DHX15: variants seen among roughly 807,000 people sequenced by gnomAD.
The protein encoded by DHX15 is DEAH-box helicase 15, also known as ATP-dependent RNA helicase DHX15.
Under a neutral mutation model 94.4 loss-of-function variants are expected in DHX15, and 11 were observed. That is an observed-to-expected ratio of 0.12 (90% CI 0.07 to 0.19). DHX15 has a LOEUF of 0.19. Among genes scored for constraint, DHX15 ranks in the 10% least tolerant of loss-of-function variants. The pLI is 1.00. For missense variants in DHX15, 304 were observed against 988.5 expected, an observed-to-expected ratio of 0.31 and a Z score of 9.29; for synonymous variants, 338 against 329.9, an observed-to-expected ratio of 1.02 and a Z score of -0.27.
chr4:24,570,689 T>C lies in DHX15; in HGVS notation c.666A>G (p.Arg222=). The C allele has an allele frequency of 1.9e-6, 3 of 1,614,138 alleles. No homozygotes were observed. Among genetic ancestry groups the C allele is most frequent in the Non-Finnish European group, 2.5e-6 (3 of 1,180,032 alleles). Residue 222 remains arginine, a synonymous_variant, in exon 3 of 14, where the codon CGA becomes CGG. Coordinates refer to ENST00000336812, the MANE Select transcript of DHX15 (RefSeq NM_001358.3). ...MLGQEVGYSI[R]FEDCSSAKTI... is the part of the protein sequence containing the mutation. ...TTTTTGCACTACTGCAGTCTTCAAA[T>C]CGAATGGAGTAACCAACTTCCTGGC...
chr4:24,528,759 G>A (rs16875757), intron 13 of DHX15, among the ~76,000 whole-genome samples: 5,450 of 152,074 alleles, frequency 0.036, 292 homozygotes, highest in African/African-American at 0.12. Context: ...AAAACAATCC[G>A]TTCTTACTCT....
At position 24,554,882 on chromosome 4, in the gene DHX15, G is replaced by A; in HGVS notation, c.923C>T (p.Pro308Leu). The change falls in exon 5 of 14, where the codon CCT (proline) becomes CTT (leucine). Residue 308 changes from proline (P) to leucine (L), a missense_variant. Pro to Leu is a moderately conservative substitution (Grantham distance 98). This residue lies in a region of DHX15 where 29 missense variants were observed against 181.6 expected (regional missense o/e 0.16). Coordinates refer to ENST00000336812, the MANE Select transcript of DHX15 (RefSeq NM_001358.3). ...GKFQIYFDNCPLLTIPGRTHP... is the reference protein window; with the variant it reads ...GKFQIYFDNCLLLTIPGRTHP... ...TGTACGCCCAGGAATAGTTAGGAGA[G>A]GACAGTTATCAAAGTAAATCTGGAA... 2 of 1,613,704 alleles carry A rather than the reference G, an allele frequency of 1.2e-6. No individual in the cohort carries two copies. Among genetic ancestry groups the A allele is most frequent in the East Asian group, 2.2e-5 (1 of 44,784 alleles).
intron 1 of DHX15, among the ~76,000 whole-genome samples, chr4:24,578,312 T>TA (rs1205076364): frequency 6.6e-6 from 1 of 152,250 alleles, no homozygotes. Context: ...AGGTGACTGT[T>TA]AATTAAGTGT....
intron 3 of DHX15, among the ~76,000 whole-genome samples, chr4:24,559,209 A>G (rs1179034552): frequency 6.6e-6 from 1 of 152,050 alleles, no homozygotes; most frequent in Non-Finnish European, 1.5e-5. Flanking sequence ...CAAAGCTACA[A>G]GCCAAGGAAT....
intron 3 of DHX15, among the ~76,000 whole-genome samples, chr4:24,562,382 G>GATT (rs1377571789): frequency 2.0e-5 from 3 of 152,234 alleles, no homozygotes; most frequent in Admixed American, 6.5e-5. Flanking sequence ...GAGGAACAAT[G>GATT]ATGAAGGAAA....
chr4:24,570,948 T>A lies in DHX15; in HGVS notation c.508-101A>T, dbSNP rs532201471. The A allele has an allele frequency of 5.9e-6, 7 of 1,195,346 alleles. No individual in the cohort carries two copies. The South Asian group carries it at 1.1e-4, about 18-fold the overall frequency. The allele number at this position is 1,195,346 out of a possible 1,614,324, so 74.0% of individuals were successfully genotyped here. On this transcript the variant is annotated intron_variant, in intron 2 of 13. Transcript: ENST00000336812. ...CTCATTCTAATGATTTAAAACCAAA[T>A]CCAATTAGGCAAATGACTATAAGAC...
chr4:24,552,570 G>A (rs1195574968), intron 5 of DHX15, among the ~76,000 whole-genome samples: 1 of 152,156 alleles, frequency 6.6e-6, no homozygotes, highest in South Asian at 2.1e-4. Context: ...TATGAAGAAA[G>A]GAGTACTGAT....
chr4:24,575,782 C>A (rs1722244918), intron 2 of DHX15, among the ~76,000 whole-genome samples: 1 of 152,164 alleles, frequency 6.6e-6, no homozygotes, highest in East Asian at 1.9e-4. Context: ...AAATAACACA[C>A]TAGTAACAGT....
In DHX15 at chr4:24,570,661, T is replaced by C; in HGVS notation, c.694A>G (p.Ile232Val). ...RFEDCSSAKT[I>V]LKYMTDGMLL... is the part of the protein sequence containing the mutation. ...TAAAGATATAGTACTTACTTAAGAA[T>C]GGTTTTTGCACTACTGCAGTCTTCA... Residue 232 changes from isoleucine to valine, a missense_variant, in exon 3 of 14, where the codon ATT becomes GTT. Physicochemically the swap from Ile to Val is conservative, Grantham distance 29 (BLOSUM62 3). Coordinates refer to ENST00000336812, the MANE Select transcript of DHX15 (RefSeq NM_001358.3). 4.3e-6 allele frequency: 7 copies of C among 1,614,076 alleles called. No individual in the cohort carries two copies. Among genetic ancestry groups the C allele is most frequent in the Non-Finnish European group, 5.9e-6 (7 of 1,179,982 alleles).
intron 6 of DHX15, among the ~76,000 whole-genome samples, chr4:24,543,259 C>T (rs894282213): frequency 1.3e-5 from 2 of 152,136 alleles, no homozygotes; most frequent in Non-Finnish European, 2.9e-5. Flanking sequence ...GCTATTACTT[C>T]AGGTTATCAC....
intron 2 of DHX15, among the ~76,000 whole-genome samples, chr4:24,574,205 CAAAAAAA>C (rs61031930): frequency 0.017 from 1,161 of 68,882 alleles, 52 homozygotes; most frequent in African/African-American, 0.059. Flanking sequence ...GACTTTGTCT[CAAAAAAA>C]AAAAAAAAAA....
chr4:24,569,821 C>CTA (rs1355422067), intron 3 of DHX15, among the ~76,000 whole-genome samples: 1 of 152,100 alleles, frequency 6.6e-6, no homozygotes, highest in Non-Finnish European at 1.5e-5. Context: ...AATGCAGTAG[C>CTA]TATCACAGGC....
intron 5 of DHX15, among the ~76,000 whole-genome samples, chr4:24,550,314 G>T (rs1331670100): frequency 1.3e-5 from 2 of 151,276 alleles, no homozygotes; most frequent in Admixed American, 6.6e-5. Flanking sequence ...TCTTTTTTTT[G>T]ATATATTTTT....
At chr4:24,575,212 A>G (rs1054436792) in intron 2 of DHX15, among the ~76,000 whole-genome samples, 1 of 152,130 alleles carries the variant, frequency 6.6e-6, no homozygotes, top group Non-Finnish European at 1.5e-5. Flanking sequence ...GTCTATAATA[A>G]AAGCTTCCTA....
intron 6 of DHX15, among the ~76,000 whole-genome samples, chr4:24,547,915 A>ATCTATCTATC (rs1417329121): frequency 1.9e-5 from 1 of 53,798 alleles, no homozygotes; most frequent in South Asian, 4.4e-4. Flanking sequence ...ATATATATAT[A>ATCTATCTATC]TATATATATA....
chr4:24,548,140 CTTTTTTTTTTTT>C (rs71196189), intron 6 of DHX15, among the ~76,000 whole-genome samples: 9 of 108,176 alleles, frequency 8.3e-5, no homozygotes, highest in African/African-American at 3.2e-4. Context: ...ATCAGTGCTA[CTTTTTTTTTTTT>C]TTTTTTTTTT....
intron 3 of DHX15, among the ~76,000 whole-genome samples, chr4:24,565,961 C>CAGAG (rs1721982712): frequency 6.6e-6 from 1 of 151,982 alleles, no homozygotes; most frequent in African/African-American, 2.4e-5. Context: ...AATACGTGGG[C>CAGAG]AGAGCTAGGA....
chr4:24,583,709 C>T (rs1722528061), intron 1 of DHX15, among the ~76,000 whole-genome samples: 1 of 152,156 alleles, frequency 6.6e-6, no homozygotes, highest in Non-Finnish European at 1.5e-5. Context: ...TCCACGTTTT[C>T]CTTTCTCCCG....
intron 2 of DHX15, among the ~76,000 whole-genome samples, chr4:24,573,060 G>A (rs999078253): frequency 3.1e-4 from 47 of 152,084 alleles, no homozygotes; most frequent in African/African-American, 1.0e-3. Context: ...ACAGGTGTGC[G>A]CCACCACGCC....
Sources: gnomAD v4.1 joint callset for allele counts (sites outside exome capture counted in the v4.1 genomes callset) on GRCh38, gnomAD v4.1.1 for gene constraint, gnomAD v4.1.1 regional missense constraint, MANE v1.5 for transcripts, NCBI Gene and HGNC (gene_info 2026-07-23, HGNC 2026-07-21) for gene names.